CFAP47: variants seen among roughly 807,000 people sequenced by gnomAD.
CFAP47 encodes the protein cilia and flagella associated protein 47.
A neutral mutation model predicts 148.1 loss-of-function variants in CFAP47; 29 were observed. That is an observed-to-expected ratio of 0.20 (90% CI 0.15 to 0.27). The LOEUF (loss-of-function observed/expected upper bound fraction) is 0.27. Ranked by LOEUF, CFAP47 falls within the 10% of genes least tolerant of loss-of-function variation. The pLI is 1.00. For synonymous variants in CFAP47, 664 were observed against 577.3 expected (o/e 1.15, Z -2.15); for missense variants, 1,872 against 1,697.5 (o/e 1.10, Z -1.81).
chrX:36,045,496 C>G (rs1442255977), intron 25 of CFAP47, among the ~76,000 whole-genome samples: 2 of 111,558 alleles, frequency 1.8e-5, no homozygotes, highest in Non-Finnish European at 3.8e-5. Context: ...CTGGGTATTG[C>G]TGCTGGTTAT....
intron 29 of CFAP47, among the ~76,000 whole-genome samples, chrX:36,078,246 C>G (rs1168123029): frequency 1.8e-5 from 2 of 110,385 alleles, no homozygotes; most frequent in African/African-American, 6.6e-5. Flanking sequence ...GAGTTCAAGT[C>G]CTGGATATCC....
chrX:36,229,649 G>A (rs1555992058), intron 46 of CFAP47, among the ~76,000 whole-genome samples: 1 of 109,667 alleles, frequency 9.1e-6, no homozygotes, highest in South Asian at 3.9e-4. Flanking sequence ...TAGGGTACAT[G>A]TGCACAATCT....
At chrX:36,204,924 A>G in intron 44 of CFAP47, 33 bp from the exon 45 acceptor site, 1 of 296,790 alleles carries the variant, frequency 3.4e-6, no homozygotes, top group East Asian at 4.8e-5. Context: ...AAAGTTAAGA[A>G]AATTACATTC....
chrX:36,123,298 G>A (rs6632495), intron 33 of CFAP47, among the ~76,000 whole-genome samples: 31,485 of 111,089 alleles, frequency 0.28, 6,125 homozygotes, highest in African/African-American at 0.7. Flanking sequence ...GCTACTGCTT[G>A]TGTTTGCTCA....
chrX:35,960,568 T>C (rs1936316720), intron 8 of CFAP47, among the ~76,000 whole-genome samples: 1 of 110,644 alleles, frequency 9.0e-6, no homozygotes, highest in South Asian at 3.8e-4. Flanking sequence ...TAGTATTCAA[T>C]GTACAAGTCT....
At chrX:35,943,006 T>C (rs1205330304) in intron 3 of CFAP47, among the ~76,000 whole-genome samples, 1 of 111,683 alleles carries the variant, frequency 9.0e-6, no homozygotes, top group African/African-American at 3.2e-5. Flanking sequence ...ATGAATTACA[T>C]TTTCTTAGTG....
At chrX:36,293,788 T>C (rs1421270502) in intron 51 of CFAP47, among the ~76,000 whole-genome samples, 2 of 111,382 alleles carry the variant, frequency 1.8e-5, no homozygotes, top group African/African-American at 6.5e-5. Flanking sequence ...CCATCACCCA[T>C]TTACAGCTCA....
chrX:36,077,505 T>A (rs1173844592), intron 29 of CFAP47, among the ~76,000 whole-genome samples: 1 of 108,976 alleles, frequency 9.2e-6, no homozygotes, highest in Non-Finnish European at 1.9e-5. Flanking sequence ...AGATGTATTA[T>A]TAGGTATTTT....
chrX:36,234,809 C>G (rs998310427), intron 46 of CFAP47, among the ~76,000 whole-genome samples: 11 of 111,567 alleles, frequency 9.9e-5, no homozygotes, highest in African/African-American at 3.6e-4. Context: ...GATGTCCTTT[C>G]TGTTTGTTAG....
chrX:36,177,618 A>C (rs1038455852), intron 39 of CFAP47, among the ~76,000 whole-genome samples: 1 of 112,201 alleles, frequency 8.9e-6, no homozygotes. Context: ...TTTACATTTT[A>C]CTATAGTTAA....
chrX:36,037,466 G>A (rs751892960), intron 24 of CFAP47, among the ~76,000 whole-genome samples: 4 of 110,357 alleles, frequency 3.6e-5, no homozygotes, highest in African/African-American at 1.3e-4. Flanking sequence ...AGGTTCAAAC[G>A]ATTATTCTGC....
chrX:36,015,256 A>G (rs1937083999), intron 22 of CFAP47, among the ~76,000 whole-genome samples: 1 of 110,499 alleles, frequency 9.0e-6, no homozygotes, highest in Non-Finnish European at 1.9e-5. Context: ...AAATAAAATA[A>G]TAAGAATTTT....
chrX:36,146,585 T>C (rs1364680392), intron 36 of CFAP47, among the ~76,000 whole-genome samples: 2 of 111,117 alleles, frequency 1.8e-5, no homozygotes, highest in African/African-American at 3.3e-5. Context: ...GCTTTGATTT[T>C]AACTTTTATT....
At position 36,063,950 on chromosome X, in the gene CFAP47, C is replaced by A. The variant is rs1358251654; in HGVS notation, c.4218-1693C>A. 5.3e-5 allele frequency among the ~76,000 whole-genome samples: 6 copies of A among 112,238 alleles called. No individual in the cohort carries two copies. In the East Asian group the frequency reaches 1.7e-3, roughly 31 times the overall value. On this transcript the variant is annotated intron_variant, in intron 26 of 63. Coordinates refer to ENST00000378653, the MANE Select transcript of CFAP47 (RefSeq NM_001304548.2). The stretch of plus-strand genomic sequence containing the variant: ...AGCTGAGATTTGAAACTTCCATACC[C>A]ACAGGTGTTGGCTATGGGCCTGCCC...
At chrX:36,107,219 A>G (rs1005845059) in intron 33 of CFAP47, among the ~76,000 whole-genome samples, 2 of 112,420 alleles carry the variant, frequency 1.8e-5, no homozygotes, top group Non-Finnish European at 1.9e-5. Context: ...ATGTCTAATA[A>G]ATATGAATCC....
intron 49 of CFAP47, among the ~76,000 whole-genome samples, chrX:36,254,515 G>C (rs905086094): frequency 9.0e-6 from 1 of 111,101 alleles, no homozygotes; most frequent in Admixed American, 9.6e-5. Flanking sequence ...GACAGGAGGG[G>C]TGAGATAGGC....
At chrX:36,214,964 T>C (rs1463631615) in intron 45 of CFAP47, among the ~76,000 whole-genome samples, 2 of 112,153 alleles carry the variant, frequency 1.8e-5, no homozygotes, top group East Asian at 5.6e-4. Context: ...TTATTTGCCA[T>C]GGCAAATAAA....
intron 57 of CFAP47, among the ~76,000 whole-genome samples, chrX:36,339,306 T>C (rs1556015375): frequency 1.8e-5 from 2 of 111,341 alleles, no homozygotes. Flanking sequence ...AGAATTAAAC[T>C]CCTCTTAGTA....
chrX:36,361,602 A>G (rs1941829384), intron 61 of CFAP47, 101 bp downstream of exon 61: 1 of 367,800 alleles, frequency 2.7e-6, no homozygotes, highest in Admixed American at 5.7e-5. Context: ...GAATTGCAAT[A>G]CTTATTTAAT....
Sources: allele counts gnomAD v4.1 joint callset (sites outside exome capture counted in the v4.1 genomes callset), GRCh38; gene constraint gnomAD v4.1.1; transcripts MANE v1.5; gene names NCBI Gene and HGNC (gene_info 2026-07-23, HGNC 2026-07-21).